The following ANXA7 variants were observed in gnomAD, a reference collection of about 807,000 sequenced individuals.
The protein encoded by ANXA7 is annexin VII.
A neutral mutation model predicts 64.9 loss-of-function variants in ANXA7; 55 were observed. That is an observed-to-expected ratio of 0.85 (90% CI 0.68 to 1.06). The LOEUF (loss-of-function observed/expected upper bound fraction) is 1.06. Among genes scored for constraint, ANXA7 ranks in the 50% least tolerant of loss-of-function variants. The pLI, the probability that ANXA7 is intolerant of heterozygous loss-of-function variation, is 0.00. For missense variants in ANXA7, 548 were observed against 582.1 expected (o/e 0.94, Z 0.60); for synonymous variants, 200 against 192.4 (o/e 1.04, Z -0.33).
At chr10:73,399,838 CA>C (rs1230626891) in intron 2 of ANXA7, among the ~76,000 whole-genome samples, 1 of 140,984 alleles carries the variant, frequency 7.1e-6, no homozygotes, top group Non-Finnish European at 1.6e-5. Context: ...AAAACAAAAA[CA>C]AAAACAAAAA....
intron 7 of ANXA7, among the ~76,000 whole-genome samples, chr10:73,386,326 C>T (rs186476184): frequency 2.6e-5 from 4 of 152,036 alleles, no homozygotes; most frequent in African/African-American, 7.2e-5. Context: ...AACTGATCAT[C>T]CATTCAACAA....
chr10:73,398,136 C>G (rs779126934), intron 3 of ANXA7, 45 bp downstream of exon 3: 17 of 1,566,154 alleles, frequency 1.1e-5, no homozygotes, highest in Non-Finnish European at 1.5e-5. Flanking sequence ...GGAAAAAGTG[C>G]TACAGCAATC....
chr10:73,391,547 G>A (rs1033784876), intron 5 of ANXA7, among the ~76,000 whole-genome samples: 1 of 152,230 alleles, frequency 6.6e-6, no homozygotes, highest in South Asian at 2.1e-4. Context: ...AGCATTTCGA[G>A]GCTGCAGTGA....
chr10:73,392,587 C>T (rs959043668), intron 5 of ANXA7, among the ~76,000 whole-genome samples: 7 of 152,202 alleles, frequency 4.6e-5, no homozygotes, highest in Middle Eastern at 6.8e-3. Context: ...ATAAACAGAA[C>T]CAAAGACAAA....
intron 5 of ANXA7, 32 bp from the exon 6 acceptor site, chr10:73,388,446 C>T (rs2055415884): frequency 5.9e-6 from 9 of 1,523,416 alleles, no homozygotes; most frequent in Non-Finnish European, 8.2e-6. Flanking sequence ...TCCGTGTCAG[C>T]ATTTCCAGTA....
At position 73,375,561 on chromosome 10, in the gene ANXA7, C is replaced by T. The variant is rs1387214176; in HGVS notation, c.*534G>A. On this transcript the variant is annotated 3_prime_UTR_variant, in exon 13 of 13. Transcript: ENST00000372921. ...TTTGACCCTTTCTTAAAAGGTGCCA[C>T]AGGTAATACTAATCTATTTTCTATG... 6.6e-6 allele frequency: 1 copy of T among 152,154 alleles called. No homozygotes were observed. Among genetic ancestry groups the T allele is most frequent in the African/African-American group, 2.4e-5 (1 of 41,434 alleles). The allele number at this position is 152,154 out of a possible 1,614,324, so 9.4% of individuals were successfully genotyped here. A position where few individuals can be genotyped will look rare whatever the true frequency, so the allele number is the denominator to read the frequency against.
In ANXA7 at chr10:73,396,583, C is replaced by A. The variant is rs1416502990; in HGVS notation, c.371G>T (p.Gly124Val). The A allele has an allele frequency of 1.3e-6, 2 of 1,599,582 alleles. No homozygotes were observed. The highest frequency in any genetic ancestry group is 1.1e-5 in the South Asian group (1 of 89,488). Residue 124 changes from glycine (G) to valine (V), a missense_variant and splice_region_variant, in exon 5 of 13, where the codon GGT becomes GTT. Transcript: ENST00000372921. Reference sequence around the variant, plus strand: ...AGGCATCTGTCCTCCAGGAAAGCCACCTATAATGTTAAAAAAAATAATAAT... The same window carrying A: ...AGGCATCTGTCCTCCAGGAAAGCCAACTATAATGTTAAAAAAAATAATAAT... ...GGGPAQVPLP[G>V]GFPGGQMPSQ...
At chr10:73,387,840 G>C (rs1387556683) in intron 6 of ANXA7, 57 bp from the exon 7 acceptor site, 2 of 1,081,626 alleles carry the variant, frequency 1.8e-6, no homozygotes, top group African/African-American at 3.2e-5. Context: ...TGCTGCTTGA[G>C]GTCATCTTTT....
intron 7 of ANXA7, among the ~76,000 whole-genome samples, chr10:73,387,428 T>C (rs940746816): frequency 4.6e-5 from 7 of 152,130 alleles, no homozygotes; most frequent in Non-Finnish European, 7.4e-5. Flanking sequence ...GGCAGGAGAA[T>C]TGCTTGAACT....
Position 73,378,943 on chromosome 10 carries a change from T to A in ANXA7, c.1246A>T (p.Thr416Ser), listed in dbSNP as rs2055229744. Residue 416 changes from threonine (T) to serine (S), a missense_variant, in exon 12 of 13, where the codon ACC (threonine) becomes TCC (serine). Physicochemically the swap from Thr to Ser is moderately conservative, Grantham distance 58. Coordinates refer to ENST00000372921, the MANE Select transcript of ANXA7 (RefSeq NM_001156.5). Reference protein sequence around the residue: ...AMKGAGTDDSTLVRIVVTRSE... With the variant: ...AMKGAGTDDSSLVRIVVTRSE... ...CGAGTGACCACAATCCGGACCAGGG[T>A]GGAGTCATCTGTGCCAGCACCTTTC... is the stretch of plus-strand genomic sequence containing the variant. The A allele has an allele frequency of 6.2e-7, 1 of 1,613,474 alleles. No individual in the cohort carries two copies. The highest frequency in any genetic ancestry group is 2.2e-5 in the East Asian group (1 of 44,842).
intron 1 of ANXA7, among the ~76,000 whole-genome samples, chr10:73,409,511 G>C (rs2055807979): frequency 6.6e-6 from 1 of 152,166 alleles, no homozygotes; most frequent in African/African-American, 2.4e-5. Flanking sequence ...ACTGCTGAAA[G>C]AAATCACAGA....
intron 1 of ANXA7, among the ~76,000 whole-genome samples, chr10:73,404,810 CCT>C (rs1461468463): frequency 6.6e-6 from 1 of 150,492 alleles, no homozygotes; most frequent in Non-Finnish European, 1.5e-5. Flanking sequence ...AAAAGAATAC[CCT>C]CTTAGCCTGA....
chr10:73,399,735 C>T (rs1326735884), intron 2 of ANXA7, among the ~76,000 whole-genome samples: 1 of 152,124 alleles, frequency 6.6e-6, no homozygotes, highest in East Asian at 1.9e-4. Context: ...GCAGGAGAAT[C>T]GCTTGAACCC....
chr10:73,379,061 C>T, intron 11 of ANXA7, 38 bp from the exon 12 acceptor site: 3 of 1,465,500 alleles, frequency 2.0e-6, no homozygotes, highest in Non-Finnish European at 2.8e-6. Flanking sequence ...GAATCATGAT[C>T]TCACAAGAAG....
intron 5 of ANXA7, among the ~76,000 whole-genome samples, chr10:73,389,970 G>A (rs1334420171): frequency 6.6e-6 from 1 of 152,138 alleles, no homozygotes; most frequent in Non-Finnish European, 1.5e-5. Context: ...TAAGAGGGAT[G>A]GGATGAAGAT....
At chr10:73,383,481 TTTAA>T (rs1330369738) in intron 8 of ANXA7, 92 bp downstream of exon 8, 7 of 1,267,652 alleles carry the variant, frequency 5.5e-6, no homozygotes, top group Non-Finnish European at 7.7e-6. Context: ...AAAGAATTGC[TTTAA>T]TTACCACTGT....
chr10:73,387,287 G>A (rs1401893348), intron 7 of ANXA7, among the ~76,000 whole-genome samples: 1 of 152,156 alleles, frequency 6.6e-6, no homozygotes, highest in African/African-American at 2.4e-5. Flanking sequence ...GGCTGAGGCA[G>A]GCGGATCACT....
intron 2 of ANXA7, among the ~76,000 whole-genome samples, chr10:73,400,359 G>C (rs963283002): frequency 6.6e-5 from 10 of 152,070 alleles, no homozygotes; most frequent in African/African-American, 2.4e-4. Context: ...CAAAGGTTAA[G>C]ATGCAGTGAT....
At chr10:73,407,146 G>A (rs536975107) in intron 1 of ANXA7, among the ~76,000 whole-genome samples, 20 of 152,046 alleles carry the variant, frequency 1.3e-4, no homozygotes, top group Non-Finnish European at 2.6e-4. Flanking sequence ...GCACAATCTC[G>A]GGTCACTGCA....
Sources: allele counts gnomAD v4.1 joint callset (sites outside exome capture counted in the v4.1 genomes callset), GRCh38; gene constraint gnomAD v4.1.1; transcripts MANE v1.5; gene names NCBI Gene and HGNC (gene_info 2026-07-23, HGNC 2026-07-21).